CACNB4: variants seen among roughly 807,000 people sequenced by gnomAD.
The protein encoded by CACNB4 is voltage-dependent L-type calcium channel subunit beta-4.
In CACNB4, 32 loss-of-function variants were observed where a neutral mutation model predicts 71.2. The observed-to-expected ratio is 0.45, with a 90% CI of 0.34 to 0.60. CACNB4 has a LOEUF of 0.60. Ranked by LOEUF, CACNB4 falls within the 20% of genes least tolerant of loss-of-function variation. CACNB4 has a pLI of 0.01. For synonymous variants in CACNB4, 231 were observed against 236.9 expected (o/e 0.97, Z 0.23); for missense variants, 464 against 647.9 (o/e 0.72, Z 3.08).
intron 2 of CACNB4, among the ~76,000 whole-genome samples, chr2:151,905,798 G>A (rs1047857826): frequency 2.6e-5 from 4 of 152,188 alleles, no homozygotes; most frequent in Non-Finnish European, 5.9e-5. Flanking sequence ...AATATTCACT[G>A]ACAAGAAATG....
chr2:152,073,548 T>C (rs1686817920), intron 2 of CACNB4, among the ~76,000 whole-genome samples: 1 of 152,196 alleles, frequency 6.6e-6, no homozygotes. Flanking sequence ...GGGATGATTA[T>C]GAATTGGAAC....
intron 2 of CACNB4, among the ~76,000 whole-genome samples, chr2:151,954,762 GAACAAGAAGA>G (rs2099867753): frequency 6.7e-6 from 1 of 148,654 alleles, no homozygotes. Flanking sequence ...TTGCAAATGA[GAACAAGAAGA>G]AATAAAGAAA....
chr2:152,021,511 A>G (rs1683667391), intron 2 of CACNB4, among the ~76,000 whole-genome samples: 1 of 152,242 alleles, frequency 6.6e-6, no homozygotes, highest in Non-Finnish European at 1.5e-5. Context: ...TTGCCTCAAA[A>G]TTTCAGTAGA....
chr2:152,051,280 A>C (rs911109154), intron 2 of CACNB4, among the ~76,000 whole-genome samples: 2 of 152,124 alleles, frequency 1.3e-5, no homozygotes, highest in African/African-American at 4.8e-5. Flanking sequence ...ATTGAAATAT[A>C]ATTCACATAC....
chr2:152,033,857 C>T (rs958355269), intron 2 of CACNB4, among the ~76,000 whole-genome samples: 20 of 152,240 alleles, frequency 1.3e-4, no homozygotes, highest in Admixed American at 1.2e-3. Context: ...TCAGATTTCC[C>T]TCAATCAAAT....
chr2:151,935,401 A>T (rs1193799554), intron 2 of CACNB4, among the ~76,000 whole-genome samples: 2 of 152,250 alleles, frequency 1.3e-5, no homozygotes, highest in African/African-American at 4.8e-5. Flanking sequence ...AAGTGAGACA[A>T]TGCATCAAAG....
At chr2:152,036,010 C>T (rs1466870561) in intron 2 of CACNB4, among the ~76,000 whole-genome samples, 2 of 152,052 alleles carry the variant, frequency 1.3e-5, no homozygotes, top group Non-Finnish European at 2.9e-5. Flanking sequence ...GGAAATCCTG[C>T]CATATGTAAC....
intron 2 of CACNB4, among the ~76,000 whole-genome samples, chr2:152,082,005 T>C (rs1687383818): frequency 6.6e-6 from 1 of 152,224 alleles, no homozygotes; most frequent in Non-Finnish European, 1.5e-5. Flanking sequence ...TATTCTTTAT[T>C]ATAGATTTAA....
At chr2:151,888,060 A>G (rs887075645) in intron 2 of CACNB4, among the ~76,000 whole-genome samples, 5 of 152,176 alleles carry the variant, frequency 3.3e-5, no homozygotes, top group South Asian at 2.1e-4. Flanking sequence ...TTATACCACA[A>G]TCTAATAGAA....
intron 2 of CACNB4, among the ~76,000 whole-genome samples, chr2:152,084,863 A>G (rs763857029): frequency 6.6e-6 from 1 of 151,878 alleles, no homozygotes; most frequent in Non-Finnish European, 1.5e-5. Flanking sequence ...GGGCACAAAC[A>G]ATCCTCCCAC....
chr2:152,035,352 G>A (rs574727037), intron 2 of CACNB4, among the ~76,000 whole-genome samples: 5 of 152,260 alleles, frequency 3.3e-5, no homozygotes, highest in African/African-American at 9.6e-5. Context: ...CCTGAGGTCG[G>A]GAGTTCAAGA....
chr2:152,084,216 A>G (rs1332877177), intron 2 of CACNB4, among the ~76,000 whole-genome samples: 1 of 152,184 alleles, frequency 6.6e-6, no homozygotes, highest in Non-Finnish European at 1.5e-5. Context: ...TGGCTTTACA[A>G]AAGAATCTGG....
At chr2:151,971,878 T>G in intron 2 of CACNB4, 1 of 438,728 alleles carries the variant, frequency 2.3e-6, no homozygotes. Context: ...GTTTCCCACC[T>G]TCCTCACCTC....
chr2:152,089,529 C>T (rs541149999), intron 2 of CACNB4, among the ~76,000 whole-genome samples: 1 of 152,266 alleles, frequency 6.6e-6, no homozygotes, highest in African/African-American at 2.4e-5. Context: ...TGAGGCCTGT[C>T]ACCCATTCTC....
At chr2:151,933,374 C>G (rs1358729965) in intron 2 of CACNB4, among the ~76,000 whole-genome samples, 1 of 151,904 alleles carries the variant, frequency 6.6e-6, no homozygotes, top group Non-Finnish European at 1.5e-5. Flanking sequence ...CTGACCATGT[C>G]TCACTTTACA....
chr2:152,053,322 C>T (rs763301910), intron 2 of CACNB4, among the ~76,000 whole-genome samples: 5 of 152,028 alleles, frequency 3.3e-5, no homozygotes, highest in Non-Finnish European at 1.5e-5. Flanking sequence ...TAATGAAGCT[C>T]CATAAAAAAC....
At chr2:151,875,839 C>T (rs1195111090) in intron 5 of CACNB4, among the ~76,000 whole-genome samples, 6 of 136,404 alleles carry the variant, frequency 4.4e-5, no homozygotes, top group South Asian at 4.9e-4. Context: ...TCTCGCCTGG[C>T]GGGGGGCTGA....
At chr2:152,048,017 T>C (rs1460356635) in intron 2 of CACNB4, among the ~76,000 whole-genome samples, 1 of 152,228 alleles carries the variant, frequency 6.6e-6, no homozygotes, top group Non-Finnish European at 1.5e-5. Flanking sequence ...CCTAACTTTC[T>C]CTCCCTGCAA....
At chr2:151,902,439 G>A (rs184268514) in intron 2 of CACNB4, among the ~76,000 whole-genome samples, 31 of 152,170 alleles carry the variant, frequency 2.0e-4, no homozygotes, top group Middle Eastern at 3.4e-3. Flanking sequence ...GTCCCCTAGC[G>A]AAAATGTTCC....
Sources: gnomAD v4.1 joint callset for allele counts (sites outside exome capture counted in the v4.1 genomes callset) on GRCh38, gnomAD v4.1.1 for gene constraint, MANE v1.5 for transcripts, NCBI Gene and HGNC (gene_info 2026-07-23, HGNC 2026-07-21) for gene names.